GPR160: variants seen among roughly 807,000 people sequenced by gnomAD.
The protein encoded by GPR160 is probable G protein-coupled receptor 160.
In GPR160, 2 loss-of-function variants were observed where a neutral mutation model predicts 2.6. That is an observed-to-expected ratio of 0.77 (90% CI 0.32 to 2.44). The LOEUF is 2.44. GPR160 is among the 30% of genes most tolerant of loss of function. GPR160 has a pLI of 0.11. For missense variants in GPR160, 351 were observed against 383.6 expected, an observed-to-expected ratio of 0.91 and a Z score of 0.71; for synonymous variants, 130 against 132.2, an observed-to-expected ratio of 0.98 and a Z score of 0.12.
At chr3:170,074,732 C>T (rs1365284360) in intron 2 of GPR160, among the ~76,000 whole-genome samples, 1 of 152,084 alleles carries the variant, frequency 6.6e-6, no homozygotes, top group Non-Finnish European at 1.5e-5. Context: ...ATCCTCCTGC[C>T]TCGGCCTCTC....
chr3:170,060,486 G>C (rs1475920143), intron 2 of GPR160, among the ~76,000 whole-genome samples: 1 of 152,210 alleles, frequency 6.6e-6, no homozygotes, highest in Non-Finnish European at 1.5e-5. Flanking sequence ...AAATGGACGA[G>C]GCGAGGTGGC....
At chr3:170,048,427 A>T (rs186221380) in intron 2 of GPR160, among the ~76,000 whole-genome samples, 1,764 of 152,342 alleles carry the variant, frequency 0.012, 16 homozygotes, top group Non-Finnish European at 0.019. Context: ...AATTTTTTTT[A>T]AATAAAAAAT....
At chr3:170,068,662 A>G (rs371512372) in intron 2 of GPR160, among the ~76,000 whole-genome samples, 1 of 152,024 alleles carries the variant, frequency 6.6e-6, no homozygotes, top group African/African-American at 2.4e-5. Flanking sequence ...ATTTTCCAAG[A>G]GGTCTTTTTT....
At position 170,084,978 on chromosome 3, in the gene GPR160, A is replaced by C; in HGVS notation, c.1006A>C (p.Met336Leu). The C allele has an allele frequency of 6.8e-7, 1 of 1,472,020 alleles. No individual in the cohort carries two copies. Among genetic ancestry groups the C allele is most frequent in the Non-Finnish European group, 9.2e-7 (1 of 1,088,250 alleles). 91.2% of individuals were successfully genotyped at this position (1,472,020 alleles called of 1,614,324 possible). ...LEQIEKPISIMIC is the reference protein window; with the variant it reads ...LEQIEKPISILIC ...GCAAATTGAAAAGCCTATATCAATAATGATTTGTTAATATTATTAATTAAA... is the reference window on the plus strand; with the variant it reads ...GCAAATTGAAAAGCCTATATCAATACTGATTTGTTAATATTATTAATTAAA... Residue 336 changes from methionine to leucine, a missense_variant, in exon 4 of 4, where the codon ATG becomes CTG. Transcript: ENST00000355897.
intron 2 of GPR160, among the ~76,000 whole-genome samples, chr3:170,043,015 G>A (rs1315458442): frequency 1.3e-5 from 2 of 151,168 alleles, no homozygotes; most frequent in Non-Finnish European, 2.9e-5. Context: ...CCCAGTAGCT[G>A]GGACTACAGG....
Position 170,083,893 on chromosome 3 carries a change from CT to C in GPR160, c.-68-5del. 1.0e-5 allele frequency: 8 copies of C among 786,564 alleles called. No individual in the cohort carries two copies. Among genetic ancestry groups the C allele is most frequent in the South Asian group, 3.3e-5 (1 of 30,562 alleles). The allele number at this position is 786,564 out of a possible 1,614,324, so 48.7% of individuals were successfully genotyped here. On this transcript the variant is annotated splice_polypyrimidine_tract_variant and intron_variant, in intron 3 of 3. Transcript: ENST00000355897. ...AGGTAACATTAAGGTTTTCTTTTCA[CT>C]TTTTTTGCAGGGACAGAAAATGAAG...
intron 2 of GPR160, among the ~76,000 whole-genome samples, chr3:170,054,953 C>T (rs1393306981): frequency 6.6e-6 from 1 of 152,090 alleles, no homozygotes; most frequent in Non-Finnish European, 1.5e-5. Context: ...GCTACCATGC[C>T]CAGCTACTTT....
intron 2 of GPR160, among the ~76,000 whole-genome samples, chr3:170,048,279 G>A (rs546748024): frequency 2.0e-5 from 3 of 152,318 alleles, no homozygotes; most frequent in African/African-American, 7.2e-5. Context: ...AGGATGGGAA[G>A]GGGATGAGGG....
chr3:170,047,123 T>G (rs1473014024), intron 2 of GPR160, among the ~76,000 whole-genome samples: 1 of 152,066 alleles, frequency 6.6e-6, no homozygotes, highest in Non-Finnish European at 1.5e-5. Context: ...AGGCTTTGGA[T>G]TCTCCCTCCT....
At chr3:170,040,877 T>TAGCAA (rs1184892144) in intron 2 of GPR160, among the ~76,000 whole-genome samples, 2 of 152,236 alleles carry the variant, frequency 1.3e-5, no homozygotes, top group South Asian at 4.1e-4. Flanking sequence ...TGTAAATATT[T>TAGCAA]AGCAAAGCAC....
chr3:170,040,686 G>A (rs1384262311), intron 2 of GPR160, among the ~76,000 whole-genome samples: 1 of 152,206 alleles, frequency 6.6e-6, no homozygotes, highest in Non-Finnish European at 1.5e-5. Context: ...GTGAACACAC[G>A]TGTCGGTATG....
At chr3:170,071,024 T>A (rs2108338504) in intron 2 of GPR160, among the ~76,000 whole-genome samples, 1 of 152,338 alleles carries the variant, frequency 6.6e-6, no homozygotes, top group East Asian at 1.9e-4. Flanking sequence ...TGCCCCAGCC[T>A]GGCTTCAGAT....
chr3:170,067,562 T>C (rs1253079678), intron 2 of GPR160, among the ~76,000 whole-genome samples: 1 of 152,064 alleles, frequency 6.6e-6, no homozygotes, highest in Non-Finnish European at 1.5e-5. Flanking sequence ...CTGACCCCCA[T>C]TCCCATGTCA....
intron 2 of GPR160, among the ~76,000 whole-genome samples, chr3:170,068,452 G>A (rs1332583076): frequency 6.6e-6 from 1 of 152,138 alleles, no homozygotes; most frequent in Non-Finnish European, 1.5e-5. Flanking sequence ...ACTGCACTTG[G>A]CTCATTATTG....
chr3:170,060,304 A>G (rs1385765124), intron 2 of GPR160, among the ~76,000 whole-genome samples: 1 of 152,270 alleles, frequency 6.6e-6, no homozygotes, highest in Non-Finnish European at 1.5e-5. Flanking sequence ...TGAAAGCAGA[A>G]TGAATCTTAG....
intron 2 of GPR160, among the ~76,000 whole-genome samples, chr3:170,064,520 T>TTTC (rs1712202344): frequency 7.4e-6 from 1 of 136,038 alleles, no homozygotes; most frequent in Non-Finnish European, 1.6e-5. Flanking sequence ...TTTTCTTTTT[T>TTTC]TTTTTTTTTT....
intron 2 of GPR160, among the ~76,000 whole-genome samples, chr3:170,073,190 A>C (rs1388451150): frequency 1.3e-5 from 2 of 149,604 alleles, no homozygotes. Flanking sequence ...TCTCTTACCA[A>C]AAAAAAAAAG....
intron 3 of GPR160, among the ~76,000 whole-genome samples, chr3:170,080,254 T>A (rs1331109026): frequency 6.6e-6 from 1 of 152,152 alleles, no homozygotes. Context: ...TTTGAACACT[T>A]ATAGTGGTTT....
At chr3:170,082,246 C>T (rs1282990606) in intron 3 of GPR160, among the ~76,000 whole-genome samples, 1 of 152,184 alleles carries the variant, frequency 6.6e-6, no homozygotes, top group African/African-American at 2.4e-5. Flanking sequence ...TTTCACTTAA[C>T]ATACTGTGAA....
Sources: allele counts gnomAD v4.1 joint callset (sites outside exome capture counted in the v4.1 genomes callset), GRCh38; gene constraint gnomAD v4.1.1; transcripts MANE v1.5; gene names NCBI Gene and HGNC (gene_info 2026-07-23, HGNC 2026-07-21).